The following OCIAD2 variants were observed in gnomAD, a reference collection of about 807,000 sequenced individuals.
OCIAD2 encodes OCIA domain containing 2, also known as OCIA domain-containing protein 2.
A neutral mutation model predicts 22.9 loss-of-function variants in OCIAD2; 29 were observed. The observed-to-expected ratio is 1.27, with a 90% CI of 0.94 to 1.73. The LOEUF is 1.73. OCIAD2 is among the 40% of genes most tolerant of loss of function. The probability of loss-of-function intolerance (pLI) is 0.00; values close to 1 mark genes in which losing one functional copy is unlikely to be tolerated. For missense variants in OCIAD2, 189 were observed against 180.3 expected (o/e 1.05, Z -0.28); for synonymous variants, 67 against 60.2 (o/e 1.11, Z -0.52).
In OCIAD2 at chr4:48,899,959, G is replaced by T. The variant is rs200518995; in HGVS notation, c.67-34C>A. 70 of 1,514,976 alleles carry T rather than the reference G, an allele frequency of 4.6e-5. No individual in the cohort carries two copies. The African/African-American group carries it at 8.8e-4, about 19-fold the overall frequency. The allele number at this position is 1,514,976 out of a possible 1,614,324, so 93.8% of individuals were successfully genotyped here. A position where few individuals can be genotyped will look rare whatever the true frequency, so the allele number is the denominator to read the frequency against. On this transcript the variant is annotated intron_variant, in intron 2 of 6. Transcript: ENST00000508632. ...AAAGTTATATGGTGAGCTAACTGAGGTCATTGAAAAATCACCCACTTTGTT... is the reference window on the plus strand; with the variant it reads ...AAAGTTATATGGTGAGCTAACTGAGTTCATTGAAAAATCACCCACTTTGTT...
intron 6 of OCIAD2, among the ~76,000 whole-genome samples, chr4:48,888,240 A>G (rs1172434704): frequency 6.6e-6 from 1 of 152,214 alleles, no homozygotes; most frequent in African/African-American, 2.4e-5. Flanking sequence ...TTTTGGGCTG[A>G]GATGATGGGG....
chr4:48,900,467 T>G (rs1419358471), intron 2 of OCIAD2, among the ~76,000 whole-genome samples: 2 of 152,176 alleles, frequency 1.3e-5, no homozygotes, highest in Admixed American at 6.5e-5. Context: ...TTACTTTCAA[T>G]CTGGATGCTT....
chr4:48,885,700 C>G (rs1467109646), intron 6 of OCIAD2, 135 bp from the exon 7 acceptor site: 1 of 583,766 alleles, frequency 1.7e-6, no homozygotes, highest in South Asian at 2.6e-5. Context: ...CTATGTTGCC[C>G]AGGCTGGTCT....
intron 6 of OCIAD2, among the ~76,000 whole-genome samples, chr4:48,890,187 G>A (rs185017597): frequency 6.6e-6 from 1 of 151,748 alleles, no homozygotes. Context: ...GCACACCGAC[G>A]TGGCACATGC....
intron 1 of OCIAD2, 28 bp downstream of exon 1, chr4:48,906,630 G>C (rs1194930785): frequency 1.3e-5 from 2 of 152,932 alleles, no homozygotes; most frequent in Non-Finnish European, 2.9e-5. Flanking sequence ...CCCTCCCGCC[G>C]TCAACACTCC....
intron 6 of OCIAD2, among the ~76,000 whole-genome samples, chr4:48,886,418 G>A (rs1484745988): frequency 1.3e-5 from 2 of 152,092 alleles, no homozygotes; most frequent in African/African-American, 2.4e-5. Flanking sequence ...GTATACATGT[G>A]CCACGTTGGT....
chr4:48,885,647 AT>A, intron 6 of OCIAD2, 82 bp from the exon 7 acceptor site: 1 of 762,190 alleles, frequency 1.3e-6, no homozygotes, highest in South Asian at 1.6e-5. Context: ...TATTCTTATT[AT>A]TTTAACATAA....
rs1407569529 is a variant in OCIAD2 at position 48,897,901 on chromosome 4, G to A, written c.164-44C>T. The stretch of plus-strand genomic sequence containing the variant: ...CTTCAATATTGGTATTTTAAAAATT[G>A]GCACCTCACCTAGAAGTTAGGGAAA... On this transcript the variant is annotated intron_variant, in intron 3 of 6. Transcript: ENST00000508632. 2.8e-6 allele frequency: 4 copies of A among 1,416,678 alleles called. No individual in the cohort carries two copies. In the Admixed American group the frequency reaches 6.9e-5, roughly 24 times the overall value. 87.8% of individuals were successfully genotyped at this position (1,416,678 alleles called of 1,614,324 possible). A position where few individuals can be genotyped will look rare whatever the true frequency, so the allele number is the denominator to read the frequency against.
chr4:48,901,694 T>C (rs1018486852), intron 2 of OCIAD2, among the ~76,000 whole-genome samples: 2 of 152,218 alleles, frequency 1.3e-5, no homozygotes, highest in African/African-American at 2.4e-5. Flanking sequence ...TATTGGCTCA[T>C]TAATTTTTTT....
At chr4:48,889,727 A>G (rs1245486005) in intron 6 of OCIAD2, among the ~76,000 whole-genome samples, 1 of 152,206 alleles carries the variant, frequency 6.6e-6, no homozygotes, top group African/African-American at 2.4e-5. Flanking sequence ...AACTAGAAAT[A>G]CCATTTGACC....
intron 4 of OCIAD2, among the ~76,000 whole-genome samples, chr4:48,896,022 A>C (rs780177033): frequency 1.3e-5 from 2 of 152,122 alleles, no homozygotes; most frequent in Non-Finnish European, 2.9e-5. Context: ...ACAGAGTGAG[A>C]CTCCATCTAA....
chr4:48,904,542 G>A lies in OCIAD2; in HGVS notation c.8C>T (p.Ser3Leu). 1 of 1,614,092 alleles carries A rather than the reference G, an allele frequency of 6.2e-7. No homozygotes were observed. Among genetic ancestry groups the A allele is most frequent in the Non-Finnish European group, 8.5e-7 (1 of 1,179,988 alleles). MASASARGNQDKD... is the reference protein window; with the variant it reads MALASARGNQDKD... ...ATCTTGGTTTCCACGAGCAGACGCT[G>A]AAGCCATGATGACTTTGTGCTTGCT... Residue 3 changes from serine to leucine, a missense_variant, in exon 2 of 7, where the codon TCA (serine) becomes TTA (leucine). Physicochemically the swap from Ser to Leu is moderately radical, Grantham distance 145. Transcript: ENST00000508632.
At chr4:48,903,266 T>C (rs1781453610) in intron 2 of OCIAD2, among the ~76,000 whole-genome samples, 1 of 152,178 alleles carries the variant, frequency 6.6e-6, no homozygotes, top group Non-Finnish European at 1.5e-5. Flanking sequence ...ATCTGCTAGC[T>C]AATTAGTAAT....
intron 4 of OCIAD2, among the ~76,000 whole-genome samples, chr4:48,896,726 C>G (rs1781310117): frequency 6.6e-6 from 1 of 151,906 alleles, no homozygotes; most frequent in Non-Finnish European, 1.5e-5. Flanking sequence ...TTGAGCCCAA[C>G]AGTTTGAGGA....
At chr4:48,888,283 T>C (rs6447669) in intron 6 of OCIAD2, among the ~76,000 whole-genome samples, 143,409 of 152,280 alleles carry the variant, frequency 0.94, 67,621 homozygotes, top group East Asian at 1. Flanking sequence ...CATCTGCAAA[T>C]AGGAACGATC....
intron 4 of OCIAD2, among the ~76,000 whole-genome samples, chr4:48,896,906 G>T (rs1033703346): frequency 6.6e-6 from 1 of 152,206 alleles, no homozygotes; most frequent in African/African-American, 2.4e-5. Flanking sequence ...ACAGGGAGGA[G>T]ATGAAGAAGG....
intron 3 of OCIAD2, among the ~76,000 whole-genome samples, chr4:48,898,175 T>C (rs1781340346): frequency 6.6e-6 from 1 of 152,222 alleles, no homozygotes; most frequent in Admixed American, 6.5e-5. Context: ...TTAGGGTATA[T>C]GTACATTGAC....
chr4:48,900,029 G>A, intron 2 of OCIAD2, 104 bp from the exon 3 acceptor site: 2 of 738,448 alleles, frequency 2.7e-6, no homozygotes, highest in Non-Finnish European at 4.5e-6. Context: ...GTTACACAGT[G>A]TGTGTTCTCT....
chr4:48,899,755 G>GT (rs2109680727), intron 3 of OCIAD2, 74 bp downstream of exon 3: 1 of 1,003,720 alleles, frequency 1.0e-6, no homozygotes, highest in African/African-American at 1.6e-5. Flanking sequence ...CTGCTCAAAC[G>GT]TAAGTCATTA....
Sources: gnomAD v4.1 joint callset for allele counts (sites outside exome capture counted in the v4.1 genomes callset) on GRCh38, gnomAD v4.1.1 for gene constraint, MANE v1.5 for transcripts, NCBI Gene and HGNC (gene_info 2026-07-23, HGNC 2026-07-21) for gene names.